Variants in MATK observed in about 807,000 individuals in gnomAD.
MATK encodes megakaryocyte-associated tyrosine kinase.
In MATK, 41 loss-of-function variants were observed where a neutral mutation model predicts 59.8. The observed-to-expected ratio is 0.69, with a 90% CI of 0.53 to 0.89. The LOEUF (loss-of-function observed/expected upper bound fraction) is 0.89, where lower values mean the gene tolerates loss of function less well. Ranked by LOEUF, MATK falls within the 40% of genes least tolerant of loss-of-function variation. MATK has a pLI of 0.00. For synonymous variants in MATK, 308 were observed against 306.1 expected (o/e 1.01, Z -0.06); for missense variants, 593 against 719.6 (o/e 0.82, Z 2.01).
Position 3,801,281 on chromosome 19 carries a change from C to T in MATK, c.-58+251G>A, listed in dbSNP as rs114135708. Among the ~76,000 whole-genome samples the T allele has an allele frequency of 9.3e-3, 1,414 of 152,310 alleles. 23 individuals carry two copies. The highest frequency in any genetic ancestry group is 0.031 in the African/African-American group (1,305 of 41,556). On this transcript the variant is annotated intron_variant, in intron 1 of 13. Coordinates refer to the MATK transcript ENST00000395045. ...AGTCCCAGAAGCTAAACTAGGGAGG[C>T]ATCCCGGGACAAGACGGGCAACAAT...
In MATK at chr19:3,779,769, T is replaced by C. The variant is rs758783413; in HGVS notation, c.771A>G (p.Gln257=). Residue 257 remains glutamine (Q), a synonymous_variant, in exon 9 of 14, where the codon CAA becomes CAG. Transcript: ENST00000310132. ...ACTTGATATTCTTCACGGCCACCTTTTGCCCCAGGTACTCACCCTGCAGGA... is the reference window on the plus strand; with the variant it reads ...ACTTGATATTCTTCACGGCCACCTTCTGCCCCAGGTACTCACCCTGCAGGA... The part of the protein sequence containing the change: ...GAVLQGEYLG[Q]KVAVKNIKCD... The C allele has an allele frequency of 1.2e-6, 2 of 1,612,864 alleles. No homozygotes were observed. The highest frequency in any genetic ancestry group is 1.3e-5 in the African/African-American group (1 of 74,870).
At chr19:3,790,600 T>A (rs1724281154), upstream of MATK, among the ~76,000 whole-genome samples, 1 of 152,062 alleles carries the variant, frequency 6.6e-6, no homozygotes, top group Non-Finnish European at 1.5e-5. Context: ...ATCTCCCAGG[T>A]CCCATTTTCT....
chr19:3,793,689 G>A (rs944846334), intron 1 of MATK, among the ~76,000 whole-genome samples: 1 of 150,158 alleles, frequency 6.7e-6, no homozygotes, highest in African/African-American at 2.5e-5. Flanking sequence ...GCGACAGAGT[G>A]GAGACTCCAT....
rs142071929 is a variant in MATK at position 3,798,402 on chromosome 19, C to T, written c.-58+3130G>A. On this transcript the variant is annotated intron_variant, in intron 1 of 13. Coordinates refer to the MATK transcript ENST00000395045. ...GGTGGGGGTCACTGGGCAGGAATCC[C>T]GAAACATTGGCAGCATCTGGAAGGC... 7.9e-3 allele frequency among the ~76,000 whole-genome samples: 1,203 copies of T among 152,242 alleles called. 8 individuals are homozygous for T. The highest frequency in any genetic ancestry group is 0.027 in the African/African-American group (1,128 of 41,530).
chr19:3,790,619 C>A (rs1359764285), upstream of MATK, among the ~76,000 whole-genome samples: 2 of 152,178 alleles, frequency 1.3e-5, no homozygotes, highest in African/African-American at 2.4e-5. Flanking sequence ...CTCCTCCTCC[C>A]TCCAAGAACC....
At chr19:3,793,267 G>A (rs1394272591) in intron 1 of MATK, 2 of 152,176 alleles carry the variant, frequency 1.3e-5, no homozygotes, top group East Asian at 1.9e-4. Context: ...TGTCACATCC[G>A]GCCTTAAAAG....
chr19:3,784,145 T>C lies in MATK; in HGVS notation c.341A>G (p.Asp114Gly), dbSNP rs760392875. Residue 114 changes from aspartate to glycine, a missense_variant, in exon 5 of 14, where the codon GAC becomes GGC. Physicochemically the swap from Asp to Gly is moderately conservative, Grantham distance 94. Coordinates refer to ENST00000310132, the MANE Select transcript of MATK (RefSeq NM_139355.3). ...ALREREALSA[D>G]PKLSLMPWFH... ...TCACGGCATGAGGCTGAGCTTGGGG[T>C]CTGCGGAGAGGGCCTCCCGCTCCCG... The C allele has an allele frequency of 3.1e-6, 5 of 1,611,840 alleles. No homozygotes were observed. The East Asian group carries it at 6.7e-5, about 22-fold the overall frequency.
At chr19:3,781,390 G>A (rs935258671) in intron 8 of MATK, among the ~76,000 whole-genome samples, 5 of 152,150 alleles carry the variant, frequency 3.3e-5, no homozygotes, top group African/African-American at 9.7e-5. Context: ...AGTCACTAAC[G>A]TTGACTGAGC....
At chr19:3,789,575 G>A (rs190228978), upstream of MATK, among the ~76,000 whole-genome samples, 81 of 152,270 alleles carry the variant, frequency 5.3e-4, no homozygotes, top group African/African-American at 1.9e-3. Flanking sequence ...GCTGGGGCAG[G>A]GAGCTCCCCT....
intron 8 of MATK, among the ~76,000 whole-genome samples, chr19:3,780,980 C>T (rs535925644): frequency 3.2e-4 from 49 of 152,100 alleles, no homozygotes; most frequent in African/African-American, 9.9e-4. Context: ...CCTCCTGCCC[C>T]GACCTACCAA....
rs752355111 is a variant in MATK at position 3,784,050 on chromosome 19, G to A, written c.363-17C>T. 10 of 1,599,298 alleles carry A rather than the reference G, an allele frequency of 6.3e-6. No homozygotes were observed. Among genetic ancestry groups the A allele is most frequent in the African/African-American group, 1.3e-5 (1 of 74,714 alleles). On this transcript the variant is annotated splice_polypyrimidine_tract_variant and intron_variant, in intron 5 of 13. Coordinates refer to ENST00000310132, the MANE Select transcript of MATK (RefSeq NM_139355.3). ...TGGAACCACCTGCGGCCACGGAAGG[G>A]GTGGGTCAGACTGGGCTGTGGAGGG...
At chr19:3,798,816 T>A (rs1405529452) in intron 1 of MATK, among the ~76,000 whole-genome samples, 1 of 151,516 alleles carries the variant, frequency 6.6e-6, no homozygotes, top group Admixed American at 6.6e-5. Flanking sequence ...CCGGCCTGTT[T>A]TTTTTTTAAG....
At chr19:3,794,385 G>A (rs985785264) in intron 1 of MATK, among the ~76,000 whole-genome samples, 2 of 152,204 alleles carry the variant, frequency 1.3e-5, no homozygotes, top group Non-Finnish European at 2.9e-5. Context: ...CAGGCATGAA[G>A]GCTCACGCTT....
chr19:3,782,102 C>T (rs1294947801), intron 7 of MATK, among the ~76,000 whole-genome samples: 1 of 152,080 alleles, frequency 6.6e-6, no homozygotes, highest in African/African-American at 2.4e-5. Flanking sequence ...ACCCTCTGGG[C>T]TCTTCCCTAC....
At chr19:3,798,578 T>A (rs931323360) in intron 1 of MATK, among the ~76,000 whole-genome samples, 4 of 152,178 alleles carry the variant, frequency 2.6e-5, no homozygotes, top group African/African-American at 9.7e-5. Context: ...AATGGCACAG[T>A]GTCAGTTCAC....
upstream of MATK, among the ~76,000 whole-genome samples, chr19:3,789,094 G>C (rs1434295658): frequency 6.6e-6 from 1 of 152,144 alleles, no homozygotes; most frequent in African/African-American, 2.4e-5. Flanking sequence ...TCGTGGATCT[G>C]GCTGTGGGAT....
In MATK at chr19:3,779,370, C is replaced by G. The variant is rs2037364764; in HGVS notation, c.1001+8G>C. On this transcript the variant is annotated splice_region_variant and intron_variant, in intron 11 of 13. Transcript: ENST00000310132. ...CCAGTGCCGCAGCACCCTGAGAGTC[C>G]CACTTACAGAGAAAACTGCAGGAGC... 6.2e-7 allele frequency: 1 copy of G among 1,612,874 alleles called. No homozygotes were observed. The highest frequency in any genetic ancestry group is 1.7e-5 in the Admixed American group (1 of 60,010).
rs1416264816 is a variant in MATK at position 3,786,306 on chromosome 19, A to C, written c.-289T>G. 4.1e-6 allele frequency: 4 copies of C among 984,668 alleles called. No individual in the cohort carries two copies. The East Asian group carries it at 3.4e-4, about 84-fold the overall frequency. The allele number at this position is 984,668 out of a possible 1,614,324, so 61.0% of individuals were successfully genotyped here. A position where few individuals can be genotyped will look rare whatever the true frequency, so the allele number is the denominator to read the frequency against. ...CCGTTTCCTCATTTTGGGGGCGAAG[A>C]AGGGTCGGGGAGTGGGGGAAAGCGG... On this transcript the variant is annotated 5_prime_UTR_variant, in exon 1 of 14. Transcript: ENST00000310132. The surrounding 1 kb of genome is among the most constrained non-coding windows in gnomAD (Gnocchi z 4.1).
chr19:3,780,042 A>T (rs919107524), intron 8 of MATK, among the ~76,000 whole-genome samples: 4 of 152,172 alleles, frequency 2.6e-5, no homozygotes, highest in African/African-American at 9.7e-5. Context: ...GCACTTTGGG[A>T]GGCTGAGGCA....
Sources: allele counts gnomAD v4.1 joint callset (sites outside exome capture counted in the v4.1 genomes callset), GRCh38; gene constraint gnomAD v4.1.1; non-coding constraint Gnocchi (gnomAD v3.1); transcripts MANE v1.5; gene names NCBI Gene and HGNC (gene_info 2026-07-23, HGNC 2026-07-21).